SLC7A7: variants seen among roughly 807,000 people sequenced by gnomAD.
SLC7A7 encodes the protein solute carrier family 7 member 7, also known as Y+L amino acid transporter 1.
Under a neutral mutation model 47.9 loss-of-function variants are expected in SLC7A7, and 39 were observed. The observed-to-expected ratio is 0.81, with a 90% CI of 0.63 to 1.06. SLC7A7 has a LOEUF of 1.06. Among genes scored for constraint, SLC7A7 ranks in the 50% least tolerant of loss-of-function variants. The pLI is 0.00. For synonymous variants in SLC7A7, 234 were observed against 242.8 expected, an observed-to-expected ratio of 0.96 and a Z score of 0.34; for missense variants, 588 against 632.0, an observed-to-expected ratio of 0.93 and a Z score of 0.75.
chr14:22,807,725 TACCTTGCACCTCCAC>T (rs1341451727), intron 2 of SLC7A7, among the ~76,000 whole-genome samples: 1 of 152,182 alleles, frequency 6.6e-6, no homozygotes, highest in Non-Finnish European at 1.5e-5. Context: ...GAACATTCTG[TACCTTGCACCTCCAC>T]ACCTTTGCAC....
At chr14:22,809,319 T>C (rs1356365164) in intron 2 of SLC7A7, among the ~76,000 whole-genome samples, 1 of 150,842 alleles carries the variant, frequency 6.6e-6, no homozygotes, top group South Asian at 2.1e-4. Context: ...GCTGGGATTA[T>C]AGGCACCCAC....
chr14:22,812,125 T>C (rs1255196047), intron 2 of SLC7A7, among the ~76,000 whole-genome samples: 1 of 152,124 alleles, frequency 6.6e-6, no homozygotes, highest in Non-Finnish European at 1.5e-5. Flanking sequence ...TAGACTAGTA[T>C]GACCTCATTT....
At chr14:22,802,810 A>C (rs1263929554) in intron 2 of SLC7A7, among the ~76,000 whole-genome samples, 1 of 152,112 alleles carries the variant, frequency 6.6e-6, no homozygotes, top group South Asian at 2.1e-4. Context: ...GCTTTGAATA[A>C]ATTCTAAAAC....
At chr14:22,776,016 C>T in intron 5 of SLC7A7, 80 bp from the exon 6 acceptor site, 1 of 1,423,150 alleles carries the variant, frequency 7.0e-7, no homozygotes, top group African/African-American at 1.4e-5. Context: ...CCAGATTCCC[C>T]TTATTAGGTA....
chr14:22,781,509 C>T (rs181494424), intron 2 of SLC7A7, among the ~76,000 whole-genome samples: 52 of 152,276 alleles, frequency 3.4e-4, no homozygotes, highest in Admixed American at 8.5e-4. Context: ...AAACAACAAA[C>T]CTTATCACAG....
At chr14:22,792,142 T>G (rs1436616729) in intron 2 of SLC7A7, among the ~76,000 whole-genome samples, 1 of 151,620 alleles carries the variant, frequency 6.6e-6, no homozygotes, top group Non-Finnish European at 1.5e-5. Flanking sequence ...GCCTGGAAAC[T>G]CTCTACACCT....
chr14:22,776,374 C>T (rs2038607811), intron 4 of SLC7A7, 56 bp from the exon 5 acceptor site: 1 of 1,610,676 alleles, frequency 6.2e-7, no homozygotes, highest in Non-Finnish European at 8.5e-7. Flanking sequence ...CCCTATCTCT[C>T]CTTTAATCCT....
chr14:22,774,199 C>T (rs755535709), intron 8 of SLC7A7, 83 bp from the exon 9 acceptor site: 39 of 1,579,728 alleles, frequency 2.5e-5, no homozygotes, highest in Non-Finnish European at 3.1e-5. Flanking sequence ...TAAGGATTAG[C>T]GCACTGAGCC....
intron 5 of SLC7A7, 94 bp from the exon 6 acceptor site, chr14:22,776,030 C>T: frequency 7.0e-7 from 1 of 1,419,250 alleles, no homozygotes; most frequent in East Asian, 2.3e-5. Context: ...TTAGGTATTC[C>T]AACCTTTCTT....
In SLC7A7 at chr14:22,813,523, C is replaced by CGGGCA. The variant is rs2138664779; in HGVS notation, c.-42-88_-42-84dup. ...TACCCGCCTCCAACACAGGGTAATACGGGCAGCTCACCAACCAATGCGGAG... is the reference window on the plus strand; with the variant it reads ...TACCCGCCTCCAACACAGGGTAATACGGGCAGGGCAGCTCACCAACCAATGCGGAG... On this transcript the variant is annotated intron_variant, in intron 1 of 9. Coordinates refer to ENST00000674313, the MANE Select transcript of SLC7A7 (RefSeq NM_003982.4). The CGGGCA allele has an allele frequency of 2.4e-6, 3 of 1,245,980 alleles. No individual in the cohort carries two copies. In the East Asian group the frequency reaches 7.3e-5, roughly 30 times the overall value. The allele number at this position is 1,245,980 out of a possible 1,614,324, so 77.2% of individuals were successfully genotyped here. A position where few individuals can be genotyped will look rare whatever the true frequency, so the allele number is the denominator to read the frequency against.
intron 4 of SLC7A7, among the ~76,000 whole-genome samples, chr14:22,777,339 G>A: frequency 6.6e-6 from 1 of 152,090 alleles, no homozygotes; most frequent in East Asian, 1.9e-4. Context: ...AAATTATGGA[G>A]GCAAATTGTG....
chr14:22,803,634 T>C (rs919266914), intron 2 of SLC7A7, among the ~76,000 whole-genome samples: 5 of 152,162 alleles, frequency 3.3e-5, no homozygotes, highest in Non-Finnish European at 7.4e-5. Context: ...AGAAGGCCAG[T>C]GTAGCTGGAG....
chr14:22,788,718 A>T (rs1335358930), intron 2 of SLC7A7, among the ~76,000 whole-genome samples: 3 of 152,102 alleles, frequency 2.0e-5, no homozygotes, highest in Non-Finnish European at 2.9e-5. Context: ...AAAAAAAAAA[A>T]AAAAGTGAAC....
At chr14:22,797,224 C>G (rs148579185) in intron 2 of SLC7A7, among the ~76,000 whole-genome samples, 45 of 152,256 alleles carry the variant, frequency 3.0e-4, no homozygotes, top group African/African-American at 1.0e-3. Context: ...ATTATCTCCC[C>G]CTGTGGTAAT....
chr14:22,792,853 G>A (rs1174528737), intron 2 of SLC7A7, among the ~76,000 whole-genome samples: 5 of 108,460 alleles, frequency 4.6e-5, no homozygotes, highest in East Asian at 3.1e-4. Context: ...GTGAGGCCCC[G>A]TCTCAAAGAA....
Position 22,775,523 on chromosome 14 carries a change from G to T in SLC7A7, c.1016C>A (p.Ser339Ter), listed in dbSNP as rs1367662213. Residue 339 changes from serine to a stop codon, truncating the protein, a stop_gained, in exon 7 of 10, where the codon TCA (serine) becomes TAA (stop). Transcript: ENST00000674313. LOFTEE classifies it high-confidence loss of function. ...GGCATCAGGGAGATGGCCTTCTCTT[G>T]AGCCCACAAAGAAAAGCCTATGTTA... ...VAASRLFFVG[S>*]REGHLPDAIC... The T allele has an allele frequency of 6.2e-7, 1 of 1,614,136 alleles. No homozygotes were observed. Among genetic ancestry groups the T allele is most frequent in the Admixed American group, 1.7e-5 (1 of 60,020 alleles).
intron 2 of SLC7A7, among the ~76,000 whole-genome samples, chr14:22,789,081 A>G (rs1433076649): frequency 2.0e-5 from 3 of 152,210 alleles, no homozygotes; most frequent in African/African-American, 7.2e-5. Flanking sequence ...TAGTGAATTC[A>G]TACACGTTAC....
chr14:22,794,968 C>T (rs527248132), intron 2 of SLC7A7, among the ~76,000 whole-genome samples: 1 of 152,092 alleles, frequency 6.6e-6, no homozygotes, highest in South Asian at 2.1e-4. Flanking sequence ...AATTTTTCTG[C>T]TTCCTTAATT....
chr14:22,814,664 C>G (rs1386622864), intron 1 of SLC7A7: 1 of 152,268 alleles, frequency 6.6e-6, no homozygotes, highest in Non-Finnish European at 1.5e-5. Flanking sequence ...TCAGGGATCA[C>G]CTGTGCTGAG....
Sources: allele counts gnomAD v4.1 joint callset (sites outside exome capture counted in the v4.1 genomes callset), GRCh38; gene constraint gnomAD v4.1.1; transcripts MANE v1.5; gene names NCBI Gene and HGNC (gene_info 2026-07-23, HGNC 2026-07-21).